Variants in CDK17 observed in about 807,000 individuals in gnomAD.
CDK17 encodes cyclin dependent kinase 17.
In CDK17, 24 loss-of-function variants were observed where a neutral mutation model predicts 77.6. The ratio of observed to expected loss-of-function variants is 0.31; its 90% CI spans 0.22 to 0.44. CDK17 has a LOEUF of 0.44. Among genes scored for constraint, CDK17 ranks in the 20% least tolerant of loss-of-function variants. CDK17 has a pLI of 1.00. For missense variants in CDK17, 429 were observed against 622.5 expected, an observed-to-expected ratio of 0.69 and a Z score of 3.31; for synonymous variants, 203 against 210.4, an observed-to-expected ratio of 0.96 and a Z score of 0.30.
chr12:96,354,930 C>T (rs780254494), intron 1 of CDK17, among the ~76,000 whole-genome samples: 6 of 152,028 alleles, frequency 3.9e-5, no homozygotes, highest in Middle Eastern at 3.2e-3. Context: ...CTGCTCCCAC[C>T]GCAACACCTC....
rs568141633 is a variant in CDK17, at chr12:96,362,490, A to G, written c.-29-27625T>C. On this transcript the variant is annotated intron_variant, in intron 1 of 16. Transcript: ENST00000261211. The stretch of plus-strand genomic sequence containing the variant: ...CGCCTCAGCCTCCCAAAAAGCTAGG[A>G]TTACAGGTATGAGCCACCATGCCCA... Among the ~76,000 whole-genome samples, 10 of 152,280 alleles carry G rather than the reference A, an allele frequency of 6.6e-5. No homozygotes were observed. The East Asian group carries it at 1.9e-3, about 29-fold the overall frequency.
intron 1 of CDK17, among the ~76,000 whole-genome samples, chr12:96,393,417 A>G (rs1261933303): frequency 6.6e-6 from 1 of 150,472 alleles, no homozygotes; most frequent in East Asian, 2.0e-4. Flanking sequence ...GCTTAAGTCT[A>G]AGGAATCCAA....
At chr12:96,386,972 A>G in intron 1 of CDK17, 1 of 278,034 alleles carries the variant, frequency 3.6e-6, no homozygotes, top group South Asian at 4.9e-5. Flanking sequence ...CAAGTAGTGT[A>G]TCCAGAGGTA....
intron 1 of CDK17, among the ~76,000 whole-genome samples, chr12:96,379,931 G>A (rs1184675341): frequency 6.6e-6 from 1 of 151,970 alleles, no homozygotes; most frequent in Non-Finnish European, 1.5e-5. Context: ...CACTTTGAAA[G>A]GCCAAGGCAG....
chr12:96,287,822 G>A (rs1021484381), intron 11 of CDK17, among the ~76,000 whole-genome samples: 2 of 152,160 alleles, frequency 1.3e-5, no homozygotes, highest in Admixed American at 6.5e-5. Flanking sequence ...ATTTAATGGA[G>A]TATTTTTAGC....
intron 10 of CDK17, among the ~76,000 whole-genome samples, chr12:96,294,285 T>G (rs958021448): frequency 6.6e-6 from 1 of 152,150 alleles, no homozygotes; most frequent in Non-Finnish European, 1.5e-5. Flanking sequence ...TTTACGTAAG[T>G]GTAGTGGTAA....
At chr12:96,385,013 A>G (rs11108486) in intron 1 of CDK17, among the ~76,000 whole-genome samples, 12,636 of 129,420 alleles carry the variant, frequency 0.098, 659 homozygotes, top group South Asian at 0.23. Context: ...TTCTCAAGGG[A>G]AAAAAAAAAA....
chr12:96,319,783 A>G (rs1952789872), intron 3 of CDK17, among the ~76,000 whole-genome samples: 7 of 108,346 alleles, frequency 6.5e-5, no homozygotes, highest in South Asian at 3.8e-4. Flanking sequence ...TAAATTAGGT[A>G]TTGATGGGAC....
At chr12:96,311,227 C>T (rs894689255) in intron 4 of CDK17, 50 bp from the exon 5 acceptor site, 3 of 1,438,800 alleles carry the variant, frequency 2.1e-6, no homozygotes, top group Non-Finnish European at 2.8e-6. Context: ...AGGCATTTGG[C>T]TTTTGTATTC....
At chr12:96,341,719 A>G (rs1953125126) in intron 1 of CDK17, among the ~76,000 whole-genome samples, 1 of 152,168 alleles carries the variant, frequency 6.6e-6, no homozygotes, top group Non-Finnish European at 1.5e-5. Context: ...TGCATACCAT[A>G]CACTGTTTTA....
intron 5 of CDK17, among the ~76,000 whole-genome samples, chr12:96,310,235 A>G (rs886989613): frequency 6.6e-6 from 1 of 152,128 alleles, no homozygotes; most frequent in Non-Finnish European, 1.5e-5. Flanking sequence ...AATAATACAT[A>G]CTGTATAACT....
intron 1 of CDK17, among the ~76,000 whole-genome samples, chr12:96,364,025 C>G (rs1051933836): frequency 6.6e-6 from 1 of 152,202 alleles, no homozygotes; most frequent in African/African-American, 2.4e-5. Context: ...GATATGTACT[C>G]TTATACACGT....
intron 2 of CDK17, among the ~76,000 whole-genome samples, chr12:96,325,264 C>G (rs1952877775): frequency 6.6e-6 from 1 of 152,184 alleles, no homozygotes; most frequent in Non-Finnish European, 1.5e-5. Flanking sequence ...CTGTAGCTAA[C>G]AATCAGGCAT....
intron 1 of CDK17, among the ~76,000 whole-genome samples, chr12:96,335,426 A>AC (rs573287700): frequency 6.6e-5 from 10 of 152,232 alleles, no homozygotes; most frequent in Non-Finnish European, 1.3e-4. Flanking sequence ...TCCTAAGAGA[A>AC]CCAAGCTTTA....
chr12:96,308,692 C>T (rs1178782342), intron 5 of CDK17, among the ~76,000 whole-genome samples: 1 of 149,834 alleles, frequency 6.7e-6, no homozygotes, highest in African/African-American at 2.4e-5. Flanking sequence ...TGCACCACTA[C>T]ACTCCAGCTT....
rs557643149 is a variant in CDK17, at chr12:96,316,658, C to T, written c.284-3204G>A. Among the ~76,000 whole-genome samples the T allele has an allele frequency of 1.2e-4, 16 of 130,148 alleles. 1 individual carries two copies. In the South Asian group the frequency reaches 1.4e-3, roughly 12 times the overall value. 85.4% of individuals were successfully genotyped at this position (130,148 alleles called of 152,430 possible). ...AGTGGGTCCCTGACCCCCTGACCCC[C>T]GAGCAGCCTAACTGTGAGGCACCCC... On this transcript the variant is annotated intron_variant, in intron 3 of 16. Transcript: ENST00000261211.
chr12:96,299,728 T>A (rs1192672029), intron 6 of CDK17, among the ~76,000 whole-genome samples: 5 of 152,194 alleles, frequency 3.3e-5, no homozygotes, highest in Non-Finnish European at 7.4e-5. Flanking sequence ...CTTTTCAGAA[T>A]CTTTGTACAT....
rs1952428421 is a variant in CDK17, at chr12:96,297,711, T to C, written c.726A>G (p.Leu242=). 2 of 1,569,546 alleles carry C rather than the reference T, an allele frequency of 1.3e-6. No homozygotes were observed. The highest frequency in any genetic ancestry group is 1.7e-6 in the Non-Finnish European group (2 of 1,144,476). Residue 242 remains leucine, a synonymous_variant, in exon 8 of 17, where the codon TTA becomes TTG. Coordinates refer to ENST00000261211, the MANE Select transcript of CDK17 (RefSeq NM_002595.5). ...CTATATTTGCATGTTTTAAATCCTTTAATAGTGAAACTGCAAAACAGAAAA... is the reference window on the plus strand; with the variant it reads ...CTATATTTGCATGTTTTAAATCCTTCAATAGTGAAACTGCAAAACAGAAAA... ...PCTAIREVSL[L]KDLKHANIVT...
At chr12:96,348,211 T>C (rs150775729) in intron 1 of CDK17, among the ~76,000 whole-genome samples, 40 of 151,098 alleles carry the variant, frequency 2.6e-4, no homozygotes, top group African/African-American at 9.5e-4. Context: ...AAATAGAGAA[T>C]AGAAAAAGAA....
Sources: allele counts gnomAD v4.1 joint callset (sites outside exome capture counted in the v4.1 genomes callset), GRCh38; gene constraint gnomAD v4.1.1; transcripts MANE v1.5; gene names NCBI Gene and HGNC (gene_info 2026-07-23, HGNC 2026-07-21).